PHACTR2: variants seen among roughly 807,000 people sequenced by gnomAD.
The protein encoded by PHACTR2 is chromosome 6 open reading frame 56.
Under a neutral mutation model 76.0 loss-of-function variants are expected in PHACTR2, and 30 were observed. That is an observed-to-expected ratio of 0.39 (90% CI 0.30 to 0.54). PHACTR2 has a LOEUF of 0.54. PHACTR2 is among the 20% of genes least tolerant of loss of function. The pLI is 0.61. For missense variants in PHACTR2, 696 were observed against 781.1 expected (o/e 0.89, Z 1.30); for synonymous variants, 292 against 292.5 (o/e 1.00, Z 0.02).
In PHACTR2 at chr6:143,578,519, G is replaced by A. The variant is rs1037403827; in HGVS notation, c.217+41312G>A. 7.9e-5 allele frequency among the ~76,000 whole-genome samples: 12 copies of A among 152,140 alleles called. No individual in the cohort carries two copies. Among genetic ancestry groups the A allele is most frequent in the African/African-American group, 2.7e-4 (11 of 41,412 alleles). ...GGGGCCGAAATGCAGCCCATACCCT[G>A]CTTGCCAAGCTGGGTACAAAATCAC... On this transcript the variant is annotated intron_variant, in intron 1 of 11. Transcript: ENST00000367584. The surrounding 1 kb of genome is among the most constrained non-coding windows in gnomAD (Gnocchi z 4.5).
rs75794454 is a variant in PHACTR2, at chr6:143,581,524, C to T, written c.217+44317C>T. On this transcript the variant is annotated intron_variant, in intron 1 of 11. Coordinates refer to the PHACTR2 transcript ENST00000367584. The surrounding 1 kb of genome is among the most constrained non-coding windows in gnomAD (Gnocchi z 4.5). ...CAGACGGTGGCCTGGAGAAGAAGCT[C>T]TTTTTCCACTGAAACAGGAGGAATG... 0.034 allele frequency among the ~76,000 whole-genome samples: 5,103 copies of T among 152,164 alleles called. 146 individuals are homozygous for T. Among genetic ancestry groups the T allele is most frequent in the Non-Finnish European group, 0.052 (3,536 of 67,994 alleles).
chr6:143,724,494 G>T (rs191794380), intron 2 of PHACTR2, among the ~76,000 whole-genome samples: 3 of 152,072 alleles, frequency 2.0e-5, no homozygotes, highest in Admixed American at 2.0e-4. Context: ...AGGATGATGC[G>T]ACCCAACTTC....
chr6:143,810,139 A>G (rs1776146068), intron 12 of PHACTR2, among the ~76,000 whole-genome samples: 1 of 152,114 alleles, frequency 6.6e-6, no homozygotes, highest in Non-Finnish European at 1.5e-5. Flanking sequence ...ATATTTGTGT[A>G]TATATATATT....
At chr6:143,741,429 G>T (rs2128467965) in intron 2 of PHACTR2, among the ~76,000 whole-genome samples, 1 of 152,320 alleles carries the variant, frequency 6.6e-6, no homozygotes, top group African/African-American at 2.4e-5. Flanking sequence ...GGAGGCAGAG[G>T]TTACAGTGAG....
Position 143,652,674 on chromosome 6 carries a change from A to G in PHACTR2, c.13+44352A>G, listed in dbSNP as rs117064080. Among the ~76,000 whole-genome samples the G allele has an allele frequency of 2.6e-3, 389 of 152,370 alleles. 1 individual carries two copies. The highest frequency in any genetic ancestry group is 8.9e-3 in the South Asian group (43 of 4,826). On this transcript the variant is annotated intron_variant, in intron 1 of 11. Transcript: ENST00000305766. The surrounding 1 kb of genome is among the most constrained non-coding windows in gnomAD (Gnocchi z 4.5). ...CTGCTGCTGTTGTTAAGTGGCCTGTACCATCCTTGAGTAGGCAAGAAGAGC... is the reference window on the plus strand; with the variant it reads ...CTGCTGCTGTTGTTAAGTGGCCTGTGCCATCCTTGAGTAGGCAAGAAGAGC...
chr6:143,545,712 A>C (rs1774982255), intron 1 of PHACTR2, among the ~76,000 whole-genome samples: 2 of 152,164 alleles, frequency 1.3e-5, no homozygotes, highest in African/African-American at 4.8e-5. Flanking sequence ...CCTAGTACAT[A>C]TCTATCACCC....
intron 6 of PHACTR2, among the ~76,000 whole-genome samples, chr6:143,771,158 G>GTATATATATATATATA (rs1341330418): frequency 1.4e-4 from 2 of 14,566 alleles, no homozygotes; most frequent in African/African-American, 3.0e-4. Context: ...ATATATATAT[G>GTATATATATATATATA]TATATATATA....
At chr6:143,604,695 A>T (rs944533653), upstream of PHACTR2, among the ~76,000 whole-genome samples, 1 of 152,130 alleles carries the variant, frequency 6.6e-6, no homozygotes, top group African/African-American at 2.4e-5. Context: ...CAGCCTGATC[A>T]ACATGGTGAA....
rs2128457679 is a variant in PHACTR2, at chr6:143,697,969, AT to A, written c.47-14046del. Among the ~76,000 whole-genome samples the A allele has an allele frequency of 6.6e-6, 1 of 152,144 alleles. No individual in the cohort carries two copies. The highest frequency in any genetic ancestry group is 6.5e-5 in the Admixed American group (1 of 15,298). ...GTCTTTTTTTTAACCTACTCACTTA[AT>A]AACAACAACAATTAAAAATCATTTT... On this transcript the variant is annotated intron_variant, in intron 1 of 12. Coordinates refer to ENST00000440869, the MANE Select transcript of PHACTR2 (RefSeq NM_001100164.2). This position sits in a 1 kb window ranked among gnomAD's most constrained non-coding sequence, Gnocchi z 4.4.
intron 1 of PHACTR2, among the ~76,000 whole-genome samples, chr6:143,643,115 AT>A (rs548068341): frequency 3.4e-3 from 513 of 152,336 alleles, no homozygotes; most frequent in Non-Finnish European, 5.8e-3. Flanking sequence ...ATATATAATA[AT>A]GAATTGAGTA....
In PHACTR2 at chr6:143,597,485, T is replaced by C. The variant is rs924901298; in HGVS notation, c.217+60278T>C. On this transcript the variant is annotated intron_variant, in intron 1 of 11. Coordinates refer to the PHACTR2 transcript ENST00000367584. This position sits in a 1 kb window ranked among gnomAD's most constrained non-coding sequence, Gnocchi z 5.7. ...TACTCTCTACAACCCACATGCCAAA[T>C]GTGAGCAAACATGTTTGGAATAAGG... Among the ~76,000 whole-genome samples, 4 of 152,208 alleles carry C rather than the reference T, an allele frequency of 2.6e-5. No individual in the cohort carries two copies. The highest frequency in any genetic ancestry group is 5.9e-5 in the Non-Finnish European group (4 of 68,026).
chr6:143,748,059 GATT>G (rs1428197513), intron 2 of PHACTR2, among the ~76,000 whole-genome samples: 1 of 148,130 alleles, frequency 6.8e-6, no homozygotes, highest in African/African-American at 2.5e-5. Flanking sequence ...TGTGAAAACT[GATT>G]ATTATTATTT....
intron 1 of PHACTR2, among the ~76,000 whole-genome samples, chr6:143,655,060 G>A (rs551654115): frequency 1.3e-5 from 2 of 151,776 alleles, no homozygotes; most frequent in South Asian, 2.1e-4. Context: ...GGGAGGATGA[G>A]GTAGGAGAAT....
intron 10 of PHACTR2, among the ~76,000 whole-genome samples, chr6:143,786,591 G>A (rs1035684223): frequency 2.6e-5 from 4 of 152,270 alleles, no homozygotes; most frequent in Admixed American, 6.5e-5. Context: ...GCTGATAAAG[G>A]CATACCCTAG....
rs1304730156 is a variant in PHACTR2, at chr6:143,617,227, A to G, written c.13+8905A>G. Among the ~76,000 whole-genome samples the G allele has an allele frequency of 6.6e-6, 1 of 152,138 alleles. No homozygotes were observed. The highest frequency in any genetic ancestry group is 2.4e-5 in the African/African-American group (1 of 41,420). ...TATCCCATCTTACAACGTCTTCCCA[A>G]CTGGTCTCCAAGCCCTGAATTTTCT... is the stretch of plus-strand genomic sequence containing the variant. On this transcript the variant is annotated intron_variant, in intron 1 of 11. Transcript: ENST00000305766. The surrounding 1 kb of genome is among the most constrained non-coding windows in gnomAD (Gnocchi z 4.8).
intron 1 of PHACTR2, among the ~76,000 whole-genome samples, chr6:143,612,206 T>A (rs1775989318): frequency 6.6e-6 from 1 of 152,242 alleles, no homozygotes; most frequent in Non-Finnish European, 1.5e-5. Context: ...AAATGCTTCA[T>A]CTTTTTTTAT....
At chr6:143,686,413 G>A (rs1777521752) in intron 1 of PHACTR2, among the ~76,000 whole-genome samples, 3 of 148,556 alleles carry the variant, frequency 2.0e-5, no homozygotes, top group Admixed American at 1.3e-4. Flanking sequence ...GAAGTAATAT[G>A]ATTCCATTTT....
In PHACTR2 at chr6:143,730,386, A is replaced by C. The variant is rs533415325; in HGVS notation, c.214+18203A>C. Among the ~76,000 whole-genome samples the C allele has an allele frequency of 2.0e-4, 30 of 152,274 alleles. No homozygotes were observed. Among genetic ancestry groups the C allele is most frequent in the African/African-American group, 7.0e-4 (29 of 41,558 alleles). ...TGAAGTTTTTAGAAAACAGTTAATAAGTTTATACTTCAGTATTTGTTTTCT... is the reference window on the plus strand; with the variant it reads ...TGAAGTTTTTAGAAAACAGTTAATACGTTTATACTTCAGTATTTGTTTTCT... On this transcript the variant is annotated intron_variant, in intron 2 of 12. Coordinates refer to ENST00000440869, the MANE Select transcript of PHACTR2 (RefSeq NM_001100164.2). This position sits in a 1 kb window ranked among gnomAD's most constrained non-coding sequence, Gnocchi z 4.8.
chr6:143,823,723 T>C lies in PHACTR2; in HGVS notation c.*34T>C. On this transcript the variant is annotated 3_prime_UTR_variant, in exon 13 of 13. Coordinates refer to ENST00000440869, the MANE Select transcript of PHACTR2 (RefSeq NM_001100164.2). This position sits in a 1 kb window ranked among gnomAD's most constrained non-coding sequence, Gnocchi z 5.7. ...GAGACTATTTGGAAACAGAGACTGA[T>C]CATCTTTGGGGGAAGCCCTGCTTCC... 6.3e-7 allele frequency: 1 copy of C among 1,580,082 alleles called. No individual in the cohort carries two copies. The highest frequency in any genetic ancestry group is 8.7e-7 in the Non-Finnish European group (1 of 1,148,954).
Sources: allele counts gnomAD v4.1 joint callset (sites outside exome capture counted in the v4.1 genomes callset), GRCh38; gene constraint gnomAD v4.1.1; non-coding constraint Gnocchi (gnomAD v3.1); transcripts MANE v1.5; gene names NCBI Gene and HGNC (gene_info 2026-07-23, HGNC 2026-07-21).